EFCAB13: variants seen among roughly 807,000 people sequenced by gnomAD.
EFCAB13 encodes EF-hand calcium binding domain 13.
In EFCAB13, 91 loss-of-function variants were observed where a neutral mutation model predicts 110.2. The ratio of observed to expected loss-of-function variants is 0.83; its 90% CI spans 0.70 to 0.98. The LOEUF is 0.98. Among genes scored for constraint, EFCAB13 ranks in the 50% least tolerant of loss-of-function variants. The pLI, the probability that EFCAB13 is intolerant of heterozygous loss-of-function variation, is 0.00. For missense variants in EFCAB13, 968 were observed against 1,119.4 expected, an observed-to-expected ratio of 0.86 and a Z score of 1.93; for synonymous variants, 323 against 369.9, an observed-to-expected ratio of 0.87 and a Z score of 1.45.
intron 15 of EFCAB13, 33 bp from the exon 16 acceptor site, chr17:47,393,992 G>A (rs751224276): frequency 1.5e-6 from 2 of 1,306,444 alleles, no homozygotes; most frequent in South Asian, 2.9e-5. Flanking sequence ...ATACTTAAAA[G>A]ATGCCAAAAA....
intron 14 of EFCAB13, among the ~76,000 whole-genome samples, chr17:47,379,854 C>G (rs1028468022): frequency 6.6e-6 from 1 of 152,070 alleles, no homozygotes; most frequent in African/African-American, 2.4e-5. Context: ...ATGCTAAAAA[C>G]GAAAGATAAG....
intron 23 of EFCAB13, chr17:47,423,590 G>C (rs1904804650): frequency 3.0e-6 from 1 of 337,396 alleles, no homozygotes; most frequent in African/African-American, 2.1e-5. Flanking sequence ...CCCGGTCCTG[G>C]GAACCCGCGA....
At chr17:47,343,170 A>T (rs939185385) in intron 6 of EFCAB13, among the ~76,000 whole-genome samples, 3 of 152,100 alleles carry the variant, frequency 2.0e-5, no homozygotes, top group African/African-American at 7.2e-5. Context: ...AGTTGATCTA[A>T]ATCTGTGGGA....
intron 10 of EFCAB13, among the ~76,000 whole-genome samples, chr17:47,362,442 C>A (rs532060194): frequency 6.6e-6 from 1 of 152,098 alleles, no homozygotes; most frequent in Non-Finnish European, 1.5e-5. Flanking sequence ...CGTGGTCTAG[C>A]GGTAGCGTCA....
Position 47,421,487 on chromosome 17 carries a change from C to G in EFCAB13, c.2494+6568C>G, listed in dbSNP as rs1727466576. On this transcript the variant is annotated intron_variant, in intron 23 of 24. Transcript: ENST00000331493. ...TCTCAAGTACCCAGGGACACAAACACTGCGGAAGGCCGCAGTGTCCTCTGC... is the reference window on the plus strand; with the variant it reads ...TCTCAAGTACCCAGGGACACAAACAGTGCGGAAGGCCGCAGTGTCCTCTGC... Among the ~76,000 whole-genome samples, 3 of 151,984 alleles carry G rather than the reference C, an allele frequency of 2.0e-5. No homozygotes were observed. The South Asian group carries it at 6.2e-4, about 32-fold the overall frequency.
chr17:47,429,192 C>A (rs1461181286), intron 23 of EFCAB13, among the ~76,000 whole-genome samples: 1 of 152,124 alleles, frequency 6.6e-6, no homozygotes, highest in Non-Finnish European at 1.5e-5. Flanking sequence ...AATTATTTTT[C>A]ACAATATTAA....
At chr17:47,419,834 T>C (rs1360572430) in intron 23 of EFCAB13, among the ~76,000 whole-genome samples, 1 of 152,136 alleles carries the variant, frequency 6.6e-6, no homozygotes, top group Non-Finnish European at 1.5e-5. Flanking sequence ...TATTCTATAT[T>C]AAAGTATGTT....
In EFCAB13 at chr17:47,383,368, T is replaced by A. The variant is rs528927840; in HGVS notation, c.1582+4115T>A. ...GCTTCTCTAGTTCTTTTAATTGTGA[T>A]GTTAGGGTGTCGATTTTAGATCTTT... On this transcript the variant is annotated intron_variant, in intron 14 of 24. Coordinates refer to ENST00000331493, the MANE Select transcript of EFCAB13 (RefSeq NM_152347.5). 2.0e-5 allele frequency among the ~76,000 whole-genome samples: 3 copies of A among 152,350 alleles called. No individual in the cohort carries two copies. In the South Asian group the frequency reaches 6.2e-4, roughly 32 times the overall value.
chr17:47,390,084 A>G (rs1338460315), intron 14 of EFCAB13, among the ~76,000 whole-genome samples: 1 of 152,142 alleles, frequency 6.6e-6, no homozygotes. Flanking sequence ...TAAAGTTTAT[A>G]CCTGGTAATG....
At chr17:47,361,891 A>G (rs1402324343) in intron 10 of EFCAB13, among the ~76,000 whole-genome samples, 1 of 152,166 alleles carries the variant, frequency 6.6e-6, no homozygotes, top group Non-Finnish European at 1.5e-5. Context: ...CAATTTTATT[A>G]TGTAGCTTTG....
chr17:47,355,570 A>ATT (rs71365066), intron 9 of EFCAB13, among the ~76,000 whole-genome samples: 208 of 120,324 alleles, frequency 1.7e-3, no homozygotes, highest in Admixed American at 2.0e-3. Context: ...GGCTTTGTTC[A>ATT]TTTTTTTTTT....
chr17:47,329,990 A>G (rs2065310303), intron 4 of EFCAB13: 1 of 152,172 alleles, frequency 6.6e-6, no homozygotes, highest in African/African-American at 2.4e-5. Flanking sequence ...GGAAACAGAG[A>G]TTCTCTCTAA....
At chr17:47,371,022 G>A (rs1348626251) in intron 11 of EFCAB13, among the ~76,000 whole-genome samples, 2 of 149,308 alleles carry the variant, frequency 1.3e-5, no homozygotes, top group African/African-American at 2.5e-5. Flanking sequence ...TTACAAGCGT[G>A]AGCCACCGCG....
chr17:47,401,077 A>G (rs1475893030), intron 17 of EFCAB13, among the ~76,000 whole-genome samples: 1 of 152,206 alleles, frequency 6.6e-6, no homozygotes, highest in Non-Finnish European at 1.5e-5. Flanking sequence ...AGTGATATAT[A>G]GGACTCTACT....
intron 8 of EFCAB13, among the ~76,000 whole-genome samples, chr17:47,345,537 C>T (rs1364605747): frequency 6.6e-6 from 1 of 152,056 alleles, no homozygotes; most frequent in African/African-American, 2.4e-5. Context: ...CATAGTTTTC[C>T]TTTTACCTTA....
At chr17:47,392,897 C>T (rs150039340) in intron 15 of EFCAB13, among the ~76,000 whole-genome samples, 4 of 152,262 alleles carry the variant, frequency 2.6e-5, no homozygotes, top group South Asian at 4.1e-4. Context: ...GAATGAAATA[C>T]AAGCCACACA....
intron 4 of EFCAB13, among the ~76,000 whole-genome samples, chr17:47,334,441 G>A (rs976222055): frequency 1.3e-5 from 2 of 152,284 alleles, no homozygotes; most frequent in East Asian, 3.9e-4. Flanking sequence ...GTCTTTCACA[G>A]AGCAGAAGCT....
At position 47,412,901 on chromosome 17, in the gene EFCAB13, T is replaced by C; in HGVS notation, c.2407T>C (p.Cys803Arg). 6.2e-7 allele frequency: 1 copy of C among 1,611,896 alleles called. No homozygotes were observed. Among genetic ancestry groups the C allele is most frequent in the South Asian group, 1.1e-5 (1 of 90,740 alleles). ...TEEDFNEALN[C>R]CNVSDNMEVD... ...GGAGGACTTCAATGAAGCCCTTAACTGTTGTAACGTCAGTGGTGAGCATTT... is the reference window on the plus strand; with the variant it reads ...GGAGGACTTCAATGAAGCCCTTAACCGTTGTAACGTCAGTGGTGAGCATTT... Residue 803 changes from cysteine (C) to arginine (R), a missense_variant, in exon 22 of 25, where the codon TGT becomes CGT. Cys to Arg is a radical substitution (Grantham distance 180). Coordinates refer to ENST00000331493, the MANE Select transcript of EFCAB13 (RefSeq NM_152347.5).
intron 23 of EFCAB13, among the ~76,000 whole-genome samples, chr17:47,420,475 C>G (rs996851203): frequency 7.3e-6 from 1 of 137,114 alleles, no homozygotes; most frequent in African/African-American, 2.7e-5. Flanking sequence ...CATCTCTGCC[C>G]GGCCGCCATC....
Sources: gnomAD v4.1 joint callset for allele counts (sites outside exome capture counted in the v4.1 genomes callset) on GRCh38, gnomAD v4.1.1 for gene constraint, MANE v1.5 for transcripts, NCBI Gene and HGNC (gene_info 2026-07-23, HGNC 2026-07-21) for gene names.